Variants in NRXN3 observed in about 807,000 individuals in gnomAD.
The protein encoded by NRXN3 is neurexin 3, also known as neurexin III.
NRXN3 carries 32 observed loss-of-function variants against 137.6 expected under a neutral mutation model. The observed-to-expected ratio is 0.23, with a 90% confidence interval of 0.18 to 0.31. NRXN3 has a LOEUF of 0.31. Ranked by LOEUF, NRXN3 falls within the 10% of genes least tolerant of loss-of-function variation. NRXN3 has a pLI of 1.00. For synonymous variants in NRXN3, 798 were observed against 784.5 expected (o/e 1.02, Z -0.29); for missense variants, 1,574 against 2,062.5 (o/e 0.76, Z 4.59).
Position 78,242,704 on chromosome 14 carries a change from G to C in NRXN3, c.-390G>C. ...CGCTGGGAGGAGTGCATCGCTGAAG[G>C]CTTCTTCCTACTCTCCTGCACCTTC... On this transcript the variant is annotated 5_prime_UTR_variant, in exon 2 of 21. Coordinates refer to ENST00000335750, the MANE Select transcript of NRXN3 (RefSeq NM_001330195.2). 1 of 185,962 alleles carries C rather than the reference G, an allele frequency of 5.4e-6. No homozygotes were observed. The highest frequency in any genetic ancestry group is 1.1e-5 in the Non-Finnish European group (1 of 90,322). The allele number at this position is 185,962 out of a possible 1,614,324, so 11.5% of individuals were successfully genotyped here.
At chr14:78,343,248 T>A (rs1349162739) in intron 4 of NRXN3, among the ~76,000 whole-genome samples, 3 of 152,204 alleles carry the variant, frequency 2.0e-5, no homozygotes, top group Admixed American at 2.0e-4. Context: ...TATAAACTTT[T>A]TGAGCCTTTG....
At chr14:79,768,688 A>G (rs1037255558) in intron 19 of NRXN3, among the ~76,000 whole-genome samples, 54 of 152,216 alleles carry the variant, frequency 3.5e-4, no homozygotes, top group Admixed American at 1.2e-3. Context: ...CAGAGCAGAA[A>G]AACTGGAAAC....
At chr14:79,458,570 A>C (rs1173342133) in intron 15 of NRXN3, among the ~76,000 whole-genome samples, 2 of 152,186 alleles carry the variant, frequency 1.3e-5, no homozygotes, top group Non-Finnish European at 1.5e-5. Flanking sequence ...TTGAGAGATA[A>C]ATAAATTAAA....
chr14:79,218,462 T>C (rs1043622767), intron 15 of NRXN3, among the ~76,000 whole-genome samples: 1 of 152,144 alleles, frequency 6.6e-6, no homozygotes, highest in Non-Finnish European at 1.5e-5. Flanking sequence ...ATTCTGTACT[T>C]GGAGTATATA....
chr14:78,666,998 G>A (rs1458813780), intron 6 of NRXN3, among the ~76,000 whole-genome samples: 1 of 152,060 alleles, frequency 6.6e-6, no homozygotes, highest in Non-Finnish European at 1.5e-5. Context: ...TCTATAACTT[G>A]TTTATTTGGT....
At chr14:78,328,950 G>A (rs10152049) in intron 4 of NRXN3, among the ~76,000 whole-genome samples, 67,271 of 151,932 alleles carry the variant, frequency 0.44, 15,086 homozygotes, top group East Asian at 0.67. Flanking sequence ...ACAGGATTCT[G>A]CCACATGGTC....
intron 20 of NRXN3, among the ~76,000 whole-genome samples, chr14:79,805,758 G>A (rs2099202196): frequency 6.6e-6 from 1 of 152,128 alleles, no homozygotes; most frequent in South Asian, 2.1e-4. Context: ...TGTTAACTGT[G>A]TGTCTAGAAA....
chr14:79,510,358 G>A (rs191456697), intron 16 of NRXN3, among the ~76,000 whole-genome samples: 1 of 152,124 alleles, frequency 6.6e-6, no homozygotes, highest in Admixed American at 6.5e-5. Context: ...TAACAGCAGG[G>A]GAATTGATAG....
chr14:79,808,681 A>G (rs965916041), intron 20 of NRXN3, among the ~76,000 whole-genome samples: 3 of 152,102 alleles, frequency 2.0e-5, no homozygotes, highest in African/African-American at 4.8e-5. Flanking sequence ...TCTACAGGTT[A>G]TTTCCTGATT....
At chr14:78,979,628 GGCAT>G (rs1413839244) in intron 14 of NRXN3, among the ~76,000 whole-genome samples, 1 of 152,072 alleles carries the variant, frequency 6.6e-6, no homozygotes, top group Non-Finnish European at 1.5e-5. Flanking sequence ...GACAGTTCAT[GGCAT>G]GTATTATTCT....
intron 15 of NRXN3, among the ~76,000 whole-genome samples, chr14:79,220,184 C>T (rs1423364509): frequency 6.6e-6 from 1 of 152,128 alleles, no homozygotes; most frequent in Non-Finnish European, 1.5e-5. Context: ...AGACTATTGC[C>T]TACATCAGAG....
intron 4 of NRXN3, among the ~76,000 whole-genome samples, chr14:78,325,628 G>T (rs187595026): frequency 4.5e-4 from 69 of 151,960 alleles, no homozygotes; most frequent in African/African-American, 1.5e-3. Flanking sequence ...TTCAAGTAGG[G>T]GAAGAAACAT....
intron 4 of NRXN3, among the ~76,000 whole-genome samples, chr14:78,446,868 T>C (rs2094433551): frequency 2.0e-5 from 3 of 152,286 alleles, no homozygotes; most frequent in South Asian, 4.2e-4. Flanking sequence ...CACTTCTAGG[T>C]GTCTAAGTGA....
intron 15 of NRXN3, among the ~76,000 whole-genome samples, chr14:79,131,655 G>A (rs1370126960): frequency 3.9e-5 from 6 of 152,230 alleles, no homozygotes; most frequent in Admixed American, 2.6e-4. Flanking sequence ...TGCCCCCAGA[G>A]GTGGAGCCTA....
At chr14:79,329,421 A>C (rs566106046) in intron 15 of NRXN3, among the ~76,000 whole-genome samples, 1 of 152,318 alleles carries the variant, frequency 6.6e-6, no homozygotes, top group East Asian at 1.9e-4. Flanking sequence ...ATATTAAACC[A>C]AGAGCAGGTG....
intron 17 of NRXN3, among the ~76,000 whole-genome samples, chr14:79,688,805 T>C (rs544855043): frequency 1.3e-5 from 2 of 152,274 alleles, no homozygotes; most frequent in East Asian, 1.9e-4. Context: ...TACTTGATAT[T>C]AGAGCCAGTG....
At chr14:78,830,908 A>C (rs1358230777) in intron 10 of NRXN3, among the ~76,000 whole-genome samples, 1 of 152,320 alleles carries the variant, frequency 6.6e-6, no homozygotes, top group Non-Finnish European at 1.5e-5. Flanking sequence ...CATCAATGGA[A>C]GTTTTACTGA....
intron 15 of NRXN3, among the ~76,000 whole-genome samples, chr14:79,295,455 T>G (rs1463169277): frequency 6.6e-6 from 1 of 152,190 alleles, no homozygotes; most frequent in Admixed American, 6.5e-5. Flanking sequence ...ACCACCTTGT[T>G]TTGTTTTCAC....
intron 19 of NRXN3, among the ~76,000 whole-genome samples, chr14:79,708,967 ATGTGTG>A (rs746515868): frequency 4.0e-5 from 6 of 151,204 alleles, no homozygotes; most frequent in Middle Eastern, 3.2e-3. Context: ...CCATCTTATT[ATGTGTG>A]TGTGTGTGTG....
Sources: gnomAD v4.1 joint callset for allele counts (sites outside exome capture counted in the v4.1 genomes callset) on GRCh38, gnomAD v4.1.1 for gene constraint, MANE v1.5 for transcripts, NCBI Gene and HGNC (gene_info 2026-07-23, HGNC 2026-07-21) for gene names.